The following DPYD variants were observed in gnomAD, a reference collection of about 807,000 sequenced individuals.
The protein encoded by DPYD is dihydropyrimidine dehydrogenase [NADP(+)].
A neutral mutation model predicts 116.2 loss-of-function variants in DPYD; 109 were observed. The observed-to-expected ratio is 0.94, with a 90% CI of 0.80 to 1.10. The LOEUF (loss-of-function observed/expected upper bound fraction) is 1.10. Among genes scored for constraint, DPYD ranks in the 50% least tolerant of loss-of-function variants. DPYD has a pLI of 0.00. For missense variants in DPYD, 1,302 were observed against 1,254.5 expected, an observed-to-expected ratio of 1.04 and a Z score of -0.57; for synonymous variants, 440 against 432.0, an observed-to-expected ratio of 1.02 and a Z score of -0.23.
rs192467457 is a variant in DPYD, at chr1:97,764,985, A to G, written c.234-24506T>C. ...GAACTAATATTCTCATATGTTTGAC[A>G]TATTTGTATGTATTTCTTCCATTTG... On this transcript the variant is annotated intron_variant, in intron 3 of 22. Coordinates refer to ENST00000370192, the MANE Select transcript of DPYD (RefSeq NM_000110.4). Among the ~76,000 whole-genome samples, 361 of 152,288 alleles carry G rather than the reference A, an allele frequency of 2.4e-3. 6 individuals are homozygous for G. Among genetic ancestry groups the G allele is most frequent in the African/African-American group, 8.3e-3 (346 of 41,576 alleles).
chr1:97,403,908 T>A (rs1673508344), intron 14 of DPYD, among the ~76,000 whole-genome samples: 1 of 152,064 alleles, frequency 6.6e-6, no homozygotes, highest in Non-Finnish European at 1.5e-5. Context: ...ATCTTTCTTC[T>A]TTTTTAATAT....
chr1:97,358,434 C>T (rs535069805), intron 16 of DPYD, among the ~76,000 whole-genome samples: 1 of 152,222 alleles, frequency 6.6e-6, no homozygotes, highest in Non-Finnish European at 1.5e-5. Flanking sequence ...TGTCTGACAG[C>T]TCTGAAGAGA....
intron 4 of DPYD, among the ~76,000 whole-genome samples, chr1:97,724,557 T>C (rs1663127383): frequency 6.6e-6 from 1 of 151,520 alleles, no homozygotes; most frequent in Admixed American, 6.6e-5. Flanking sequence ...CAATGTTTCA[T>C]TTCAAAGGTA....
intron 13 of DPYD, among the ~76,000 whole-genome samples, chr1:97,464,881 G>C (rs1403195658): frequency 6.6e-6 from 1 of 152,108 alleles, no homozygotes; most frequent in Non-Finnish European, 1.5e-5. Flanking sequence ...TGTGAGAAGA[G>C]GGCCACCATC....
intron 4 of DPYD, among the ~76,000 whole-genome samples, chr1:97,739,646 T>C (rs1041221180): frequency 6.6e-6 from 1 of 152,114 alleles, no homozygotes; most frequent in Non-Finnish European, 1.5e-5. Flanking sequence ...GTGTTAAACC[T>C]TGTGAAAGGA....
At chr1:97,656,886 T>C (rs188025508) in intron 8 of DPYD, among the ~76,000 whole-genome samples, 3 of 151,878 alleles carry the variant, frequency 2.0e-5, no homozygotes, top group Admixed American at 6.6e-5. Context: ...TTGCTTACTA[T>C]AAATGGTCAA....
At chr1:97,325,808 CA>C (rs1668678302) in intron 16 of DPYD, among the ~76,000 whole-genome samples, 1 of 151,618 alleles carries the variant, frequency 6.6e-6, no homozygotes, top group Admixed American at 6.6e-5. Context: ...AGAAAAGGTT[CA>C]AAAGCATAGG....
At chr1:97,657,901 G>T (rs1042060142) in intron 8 of DPYD, among the ~76,000 whole-genome samples, 3 of 152,096 alleles carry the variant, frequency 2.0e-5, no homozygotes, top group Non-Finnish European at 4.4e-5. Flanking sequence ...AATTATTCCT[G>T]AATAATCATT....
intron 20 of DPYD, among the ~76,000 whole-genome samples, chr1:97,109,281 AT>A (rs893274087): frequency 6.6e-6 from 1 of 152,136 alleles, no homozygotes; most frequent in Admixed American, 6.6e-5. Context: ...AGTGCTCTGA[AT>A]TATAAAAATG....
chr1:97,190,548 GTTC>G (rs1658278587), intron 20 of DPYD, among the ~76,000 whole-genome samples: 1 of 152,170 alleles, frequency 6.6e-6, no homozygotes, highest in Non-Finnish European at 1.5e-5. Context: ...GCTGATGACT[GTTC>G]TTCTCAGGAA....
At chr1:97,433,759 C>T (rs1675310094) in intron 14 of DPYD, among the ~76,000 whole-genome samples, 1 of 152,110 alleles carries the variant, frequency 6.6e-6, no homozygotes, top group African/African-American at 2.4e-5. Context: ...AGTCATAAAA[C>T]ATTTCATACA....
chr1:97,716,788 C>T (rs1030635550), intron 5 of DPYD, among the ~76,000 whole-genome samples: 3 of 151,996 alleles, frequency 2.0e-5, no homozygotes, highest in African/African-American at 4.8e-5. Flanking sequence ...AAACATAGAC[C>T]ATATTCATCA....
rs1047384291 is a variant in DPYD at position 97,564,864 on chromosome 1, T to C, written c.1339+8896A>G. ...GTCTTTCTTAATTCCAGGCCATCTT[T>C]CCCAAAATTACTGACACTGTAGTTC... On this transcript the variant is annotated intron_variant, in intron 11 of 22. Transcript: ENST00000370192. Among the ~76,000 whole-genome samples, 3 of 152,136 alleles carry C rather than the reference T, an allele frequency of 2.0e-5. No individual in the cohort carries two copies. The South Asian group carries it at 6.2e-4, about 32-fold the overall frequency.
At chr1:97,340,707 G>T (rs552144548) in intron 16 of DPYD, among the ~76,000 whole-genome samples, 2 of 151,910 alleles carry the variant, frequency 1.3e-5, no homozygotes, top group African/African-American at 2.4e-5. Context: ...ACACAACAAT[G>T]GGAAATTTTA....
chr1:97,777,538 A>G (rs562039304), intron 3 of DPYD, among the ~76,000 whole-genome samples: 2 of 152,276 alleles, frequency 1.3e-5, no homozygotes, highest in African/African-American at 4.8e-5. Context: ...AGAACTTTTG[A>G]CACCTATTCA....
chr1:97,587,845 A>G (rs1013459668), intron 10 of DPYD, among the ~76,000 whole-genome samples: 1 of 151,746 alleles, frequency 6.6e-6, no homozygotes, highest in African/African-American at 2.4e-5. Context: ...AAAAGAAAAA[A>G]AAAAAAGCAT....
chr1:97,902,909 T>A (rs1673434144), intron 1 of DPYD, among the ~76,000 whole-genome samples: 1 of 151,850 alleles, frequency 6.6e-6, no homozygotes, highest in Non-Finnish European at 1.5e-5. Flanking sequence ...TAGAAAGAGG[T>A]ACCTCCCAAC....
At chr1:97,130,680 T>A (rs1653211816) in intron 20 of DPYD, among the ~76,000 whole-genome samples, 1 of 150,952 alleles carries the variant, frequency 6.6e-6, no homozygotes, top group African/African-American at 2.4e-5. Context: ...TTTCCTTCCT[T>A]CCTTCCTTTC....
At chr1:97,492,919 G>A (rs1679050098) in intron 13 of DPYD, among the ~76,000 whole-genome samples, 1 of 152,052 alleles carries the variant, frequency 6.6e-6, no homozygotes, top group South Asian at 2.1e-4. Context: ...CATTTTTACT[G>A]CTTCCACTGC....
Sources: allele counts gnomAD v4.1 joint callset (sites outside exome capture counted in the v4.1 genomes callset), GRCh38; gene constraint gnomAD v4.1.1; transcripts MANE v1.5; gene names NCBI Gene and HGNC (gene_info 2026-07-23, HGNC 2026-07-21).